Variants in TENM2 observed in about 807,000 individuals in gnomAD.
TENM2 encodes the protein teneurin transmembrane protein 2, also known as teneurin-2.
Under a neutral mutation model 245.2 loss-of-function variants are expected in TENM2, and 52 were observed. The observed-to-expected ratio is 0.21, with a 90% CI of 0.17 to 0.27. TENM2 has a LOEUF of 0.27. Among genes scored for constraint, TENM2 ranks in the 10% least tolerant of loss-of-function variants. TENM2 has a pLI of 1.00. For missense variants in TENM2, 3,046 were observed against 3,666.8 expected (o/e 0.83, Z 4.37); for synonymous variants, 1,363 against 1,438.9 (o/e 0.95, Z 1.19).
intron 1 of TENM2, among the ~76,000 whole-genome samples, chr5:167,346,567 T>A (rs763822151): frequency 4.1e-4 from 63 of 152,256 alleles, no homozygotes; most frequent in South Asian, 8.3e-4. Flanking sequence ...CCTCTGATAA[T>A]CAGTGATAAA....
chr5:167,551,794 A>G, intron 2 of TENM2, among the ~76,000 whole-genome samples: 1 of 152,272 alleles, frequency 6.6e-6, no homozygotes, highest in East Asian at 1.9e-4. Flanking sequence ...ATGTTAATTC[A>G]TTTCTATGTA....
chr5:168,061,678 C>T (rs758163459), intron 6 of TENM2, among the ~76,000 whole-genome samples: 1 of 152,062 alleles, frequency 6.6e-6, no homozygotes, highest in Non-Finnish European at 1.5e-5. Context: ...TGAAAGGCTA[C>T]AAGAATTAAA....
chr5:167,485,265 A>G (rs939738093), intron 2 of TENM2, among the ~76,000 whole-genome samples: 4 of 152,230 alleles, frequency 2.6e-5, no homozygotes, highest in African/African-American at 9.6e-5. Flanking sequence ...AGAAGCCTCC[A>G]GATTAATCTT....
intron 2 of TENM2, among the ~76,000 whole-genome samples, chr5:167,684,080 G>A (rs1582744535): frequency 6.6e-6 from 1 of 152,164 alleles, no homozygotes; most frequent in Non-Finnish European, 1.5e-5. Context: ...TTCTCCAGTC[G>A]TCATTCAATA....
At chr5:167,875,772 A>G (rs1402219751) in intron 2 of TENM2, among the ~76,000 whole-genome samples, 1 of 152,082 alleles carries the variant, frequency 6.6e-6, no homozygotes, top group African/African-American at 2.4e-5. Context: ...ATTTCTGCTC[A>G]TGTCCTTTTT....
At chr5:168,191,615 A>C (rs1346373362) in intron 14 of TENM2, among the ~76,000 whole-genome samples, 1 of 146,260 alleles carries the variant, frequency 6.8e-6, no homozygotes, top group Non-Finnish European at 1.5e-5. Flanking sequence ...AGCCCTGACG[A>C]CCCCCATTGT....
chr5:167,055,752 T>G, the TENM2 span, among the ~76,000 whole-genome samples: 4 of 152,218 alleles, frequency 2.6e-5, no homozygotes, highest in Admixed American at 2.0e-4. Context: ...CTTTATATAT[T>G]AACCTTCTAA....
chr5:167,216,835 G>A, the TENM2 span, among the ~76,000 whole-genome samples: 2 of 151,954 alleles, frequency 1.3e-5, no homozygotes, highest in African/African-American at 4.8e-5. Context: ...GCTGAGGTGG[G>A]AGAATTGCTT....
At chr5:167,186,568 C>T in the TENM2 span, among the ~76,000 whole-genome samples, 1 of 152,110 alleles carries the variant, frequency 6.6e-6, no homozygotes, top group East Asian at 1.9e-4. Context: ...CTTTGGGAGA[C>T]CAAATTTGGA....
In TENM2 at chr5:167,859,880, C is replaced by T. The variant is rs1345137794; in HGVS notation, c.503-16106C>T. Among the ~76,000 whole-genome samples the T allele has an allele frequency of 3.7e-4, 9 of 24,060 alleles. No homozygotes were observed. In the South Asian group the frequency reaches 0.011, roughly 30 times the overall value. 15.8% of individuals were successfully genotyped at this position (24,060 alleles called of 152,430 possible). A position where few individuals can be genotyped will look rare whatever the true frequency, so the allele number is the denominator to read the frequency against. On this transcript the variant is annotated intron_variant, in intron 2 of 28. Coordinates refer to ENST00000518659, the Ensembl canonical transcript of TENM2. ...CTGGGAAGTGAGGAGCCCCTCTGCC[C>T]GGCCAGCCGCCCCGTCCGGGAGGGA...
intron 1 of TENM2, among the ~76,000 whole-genome samples, chr5:167,298,641 T>C (rs533189417): frequency 5.3e-5 from 8 of 151,788 alleles, no homozygotes; most frequent in African/African-American, 1.9e-4. Context: ...AAAAACTAAA[T>C]GGAATAAGAG....
chr5:167,192,132 C>T, the TENM2 span, among the ~76,000 whole-genome samples: 1 of 152,048 alleles, frequency 6.6e-6, no homozygotes, highest in Non-Finnish European at 1.5e-5. Flanking sequence ...CACCTCCTTC[C>T]TCTCATCTTA....
chr5:167,760,466 C>T (rs779920676), intron 2 of TENM2, among the ~76,000 whole-genome samples: 5 of 152,112 alleles, frequency 3.3e-5, no homozygotes, highest in African/African-American at 9.7e-5. Flanking sequence ...TGCAGGCAAT[C>T]GAGGCTTCTC....
At chr5:167,863,441 C>T (rs1026245385) in intron 2 of TENM2, among the ~76,000 whole-genome samples, 2 of 147,890 alleles carry the variant, frequency 1.4e-5, no homozygotes, top group Non-Finnish European at 3.0e-5. Context: ...ATGGTGAAAT[C>T]CTGTCTCTAC....
At chr5:167,474,828 T>C (rs1480916506) in intron 2 of TENM2, among the ~76,000 whole-genome samples, 1 of 152,196 alleles carries the variant, frequency 6.6e-6, no homozygotes, top group East Asian at 1.9e-4. Flanking sequence ...AAAAGAGATA[T>C]TTGAAAGATT....
At chr5:167,670,340 A>G (rs1204505939) in intron 2 of TENM2, among the ~76,000 whole-genome samples, 1 of 152,188 alleles carries the variant, frequency 6.6e-6, no homozygotes, top group Admixed American at 6.5e-5. Context: ...CAATTTTACT[A>G]AACATATACA....
In TENM2 at chr5:167,932,478, G is replaced by A. The variant is rs547524027; in HGVS notation, c.713-20110G>A. On this transcript the variant is annotated intron_variant, in intron 3 of 28. Transcript: ENST00000518659. Reference sequence around the variant, plus strand: ...CAGGCATAATTAGTAGGGTCGAATCGTTGTCCATGGTCAACACTAATTGAC... The same window carrying A: ...CAGGCATAATTAGTAGGGTCGAATCATTGTCCATGGTCAACACTAATTGAC... Among the ~76,000 whole-genome samples, 52 of 152,120 alleles carry A rather than the reference G, an allele frequency of 3.4e-4. No individual in the cohort carries two copies. The South Asian group carries it at 7.1e-3, about 21-fold the overall frequency.
chr5:167,321,053 C>A (rs1040326965), intron 1 of TENM2, among the ~76,000 whole-genome samples: 2 of 152,054 alleles, frequency 1.3e-5, no homozygotes, highest in Non-Finnish European at 2.9e-5. Context: ...GCATTTAGAG[C>A]CCCTGAAATA....
rs762213840 is a variant in TENM2, at chr5:168,262,699, C to T, written c.8214C>T (p.Arg2738=). Residue 2738 remains arginine (R), a synonymous_variant, in exon 29 of 29, where the codon CGC becomes CGT. Transcript: ENST00000518659. Reference sequence around the variant, plus strand: ...AGCAGCAGCTTCTGAGCACCGGGCGCGTGCAAGGGTACGAGGGATATTACG... The same window carrying T: ...AGCAGCAGCTTCTGAGCACCGGGCGTGTGCAAGGGTACGAGGGATATTACG... 1.3e-5 allele frequency: 21 copies of T among 1,610,468 alleles called. No homozygotes were observed. In the East Asian group the frequency reaches 1.3e-4, roughly 10 times the overall value.
Sources: gnomAD v4.1 joint callset for allele counts (sites outside exome capture counted in the v4.1 genomes callset) on GRCh38, gnomAD v4.1.1 for gene constraint, MANE v1.5 for transcripts, NCBI Gene and HGNC (gene_info 2026-07-23, HGNC 2026-07-21) for gene names.